Variants in RAB3D observed in about 807,000 individuals in gnomAD.
The protein encoded by RAB3D is ras-related protein Rab-3D.
A neutral mutation model predicts 19.3 loss-of-function variants in RAB3D; 17 were observed. The observed-to-expected ratio is 0.88, with a 90% CI of 0.60 to 1.32. The LOEUF is 1.32. RAB3D is among the 40% of genes most tolerant of loss of function. The probability of loss-of-function intolerance (pLI) is 0.00; values close to 1 mark genes in which losing one functional copy is unlikely to be tolerated. For missense variants in RAB3D, 223 were observed against 299.1 expected (o/e 0.75, Z 1.88); for synonymous variants, 103 against 119.9 (o/e 0.86, Z 0.92).
intron 2 of RAB3D, among the ~76,000 whole-genome samples, chr19:11,336,600 C>G (rs759435336): frequency 6.6e-6 from 1 of 152,062 alleles, no homozygotes; most frequent in African/African-American, 2.4e-5. Flanking sequence ...TAAGCCACCA[C>G]GCTAGTGTCA....
At chr19:11,332,670 A>G (rs951850331) in intron 4 of RAB3D, among the ~76,000 whole-genome samples, 3 of 152,120 alleles carry the variant, frequency 2.0e-5, no homozygotes, top group African/African-American at 7.2e-5. Flanking sequence ...TTTTTGAGAC[A>G]GGGTCTCGCT....
rs1291666973 is a variant in RAB3D at position 11,324,812 on chromosome 19, A to G, written c.*586T>C. On this transcript the variant is annotated 3_prime_UTR_variant, in exon 5 of 5. Transcript: ENST00000222120. ...TCTACAATGGGAAAAGGCTGCTTCA[A>G]TGCTGCTTTTCGCAAGTAGAGGGTC... is the stretch of plus-strand genomic sequence containing the variant. 1 of 152,518 alleles carries G rather than the reference A, an allele frequency of 6.6e-6. No homozygotes were observed. The highest frequency in any genetic ancestry group is 1.5e-5 in the Non-Finnish European group (1 of 68,020). 9.4% of individuals were successfully genotyped at this position (152,518 alleles called of 1,614,324 possible).
intron 2 of RAB3D, 141 bp from the exon 3 acceptor site, chr19:11,335,924 G>T: frequency 1.3e-6 from 1 of 758,598 alleles, no homozygotes; most frequent in Non-Finnish European, 2.2e-6. Context: ...TGGTCTGATG[G>T]AGAATACACA....
Position 11,322,342 on chromosome 19 carries a change from G to A in RAB3D, c.*3056C>T, listed in dbSNP as rs370801537. On this transcript the variant is annotated 3_prime_UTR_variant, in exon 5 of 5. Coordinates refer to ENST00000222120, the MANE Select transcript of RAB3D (RefSeq NM_004283.4). ...CTTGGGAGGAGTCCCCCAGTCCCCC[G>A]AAAAAGAAGAAGAAAAAAAAAAAGC... 3.4e-5 allele frequency: 5 copies of A among 149,124 alleles called. No homozygotes were observed. Among genetic ancestry groups the A allele is most frequent in the East Asian group, 1.9e-4 (1 of 5,152 alleles). The allele number at this position is 149,124 out of a possible 1,614,324, so 9.2% of individuals were successfully genotyped here.
intron 4 of RAB3D, among the ~76,000 whole-genome samples, chr19:11,327,712 T>C (rs2080820599): frequency 1.3e-5 from 2 of 152,174 alleles, no homozygotes; most frequent in Admixed American, 1.3e-4. Context: ...TTTTCTGATA[T>C]TAATCAGGCG....
rs753456019 is a variant in RAB3D at position 11,325,505 on chromosome 19, C to T, written c.553G>A (p.Glu185Lys). 14 of 1,613,494 alleles carry T rather than the reference C, an allele frequency of 8.7e-6. No homozygotes were observed. Among genetic ancestry groups the T allele is most frequent in the Admixed American group, 5.0e-5 (3 of 59,990 alleles). Residue 185 changes from glutamate (E) to lysine (K), a missense_variant, in exon 5 of 5, where the codon GAG (glutamate) becomes AAG (lysine). Transcript: ENST00000222120. ...GGTTCCAGGGACTCGTTCATCTTCT[C>T]GCAGATGACATCCACCAGGCGCTCG... ...VFERLVDVIC[E>K]KMNESLEPSS...
At chr19:11,334,625 C>T (rs1042453877) in intron 4 of RAB3D, among the ~76,000 whole-genome samples, 14 of 151,126 alleles carry the variant, frequency 9.3e-5, no homozygotes, top group South Asian at 6.3e-4. Context: ...CCTATCTCCA[C>T]GCAAAATTAA....
In RAB3D at chr19:11,337,457, C is replaced by A; in HGVS notation, c.-58G>T. On this transcript the variant is annotated 5_prime_UTR_variant, in exon 2 of 5. Coordinates refer to ENST00000222120, the MANE Select transcript of RAB3D (RefSeq NM_004283.4). ...GAAATCCTCAGGGAGAGGAGACGGG[C>A]GTCCTGCAGGGGAATCAAACATCAA... is the stretch of plus-strand genomic sequence containing the variant. 2 of 1,410,212 alleles carry A rather than the reference C, an allele frequency of 1.4e-6. No individual in the cohort carries two copies. Among genetic ancestry groups the A allele is most frequent in the Admixed American group, 1.7e-5 (1 of 59,288 alleles). 87.4% of individuals were successfully genotyped at this position (1,410,212 alleles called of 1,614,324 possible).
At chr19:11,339,268 A>T (rs545554230) in intron 1 of RAB3D, among the ~76,000 whole-genome samples, 115 of 152,180 alleles carry the variant, frequency 7.6e-4, no homozygotes, top group African/African-American at 2.7e-3. Context: ...GCCCCAGCCA[A>T]TGCAGGTGGA....
At chr19:11,329,224 C>T (rs2080827370) in intron 4 of RAB3D, among the ~76,000 whole-genome samples, 1 of 152,004 alleles carries the variant, frequency 6.6e-6, no homozygotes, top group Non-Finnish European at 1.5e-5. Context: ...AGCCTTTAGT[C>T]TTTTTCTATA....
chr19:11,326,286 C>T (rs2080812518), intron 4 of RAB3D, among the ~76,000 whole-genome samples: 1 of 151,734 alleles, frequency 6.6e-6, no homozygotes, highest in South Asian at 2.1e-4. Context: ...AAGGTTAAGG[C>T]AGGAGAATGG....
Position 11,335,424 on chromosome 19 carries a change from T to C in RAB3D, c.472+23A>G, listed in dbSNP as rs201017918. Reference sequence around the variant, plus strand: ...GGTTTGGTTCTGGGAGACCAGGGCCTGTGGCCCAGGCTGGGCACTAACCAA... The same window carrying C: ...GGTTTGGTTCTGGGAGACCAGGGCCCGTGGCCCAGGCTGGGCACTAACCAA... On this transcript the variant is annotated intron_variant, in intron 4 of 4. Transcript: ENST00000222120. 1.4e-4 allele frequency: 227 copies of C among 1,613,236 alleles called. 2 individuals are homozygous for C. The highest frequency in any genetic ancestry group is 1.8e-4 in the Non-Finnish European group (216 of 1,179,530).
intron 2 of RAB3D, 71 bp from the exon 3 acceptor site, chr19:11,335,854 C>G: frequency 7.5e-7 from 1 of 1,342,178 alleles, no homozygotes; most frequent in Non-Finnish European, 1.1e-6. Flanking sequence ...TAGAGGGGCA[C>G]TGCCCTGTAC....
intron 4 of RAB3D, among the ~76,000 whole-genome samples, chr19:11,332,586 C>G (rs1019311647): frequency 6.6e-6 from 1 of 152,206 alleles, no homozygotes; most frequent in Non-Finnish European, 1.5e-5. Context: ...CTTCAGCGAT[C>G]TACCCACCTT....
chr19:11,335,875 A>G, intron 2 of RAB3D, 92 bp from the exon 3 acceptor site: 1 of 1,182,232 alleles, frequency 8.5e-7, no homozygotes, highest in African/African-American at 1.5e-5. Context: ...TCATAGCCCC[A>G]GCCTTACGGG....
At chr19:11,326,260 A>C (rs911850546) in intron 4 of RAB3D, among the ~76,000 whole-genome samples, 1 of 151,758 alleles carries the variant, frequency 6.6e-6, no homozygotes, top group Non-Finnish European at 1.5e-5. Context: ...GTTCACCTGC[A>C]GTCTCAGCTA....
intron 2 of RAB3D, among the ~76,000 whole-genome samples, chr19:11,335,989 G>C (rs1966892516): frequency 6.6e-6 from 1 of 152,170 alleles, no homozygotes; most frequent in Non-Finnish European, 1.5e-5. Flanking sequence ...CATTACCAAG[G>C]GATCTCCCCA....
chr19:11,334,377 G>GATTCA (rs918957895), intron 4 of RAB3D, among the ~76,000 whole-genome samples: 16 of 152,156 alleles, frequency 1.1e-4, no homozygotes, highest in African/African-American at 3.9e-4. Flanking sequence ...GCTGAGGAAG[G>GATTCA]AGAATCACTT....
intron 4 of RAB3D, 121 bp from the exon 5 acceptor site, chr19:11,325,706 G>T: frequency 1.1e-6 from 1 of 912,482 alleles, no homozygotes; most frequent in South Asian, 1.7e-5. Flanking sequence ...TGGGACCTTG[G>T]TTGTGTGCCT....
Sources: gnomAD v4.1 joint callset for allele counts (sites outside exome capture counted in the v4.1 genomes callset) on GRCh38, gnomAD v4.1.1 for gene constraint, MANE v1.5 for transcripts, NCBI Gene and HGNC (gene_info 2026-07-23, HGNC 2026-07-21) for gene names.